Variants in IQCM observed in about 807,000 individuals in gnomAD.
IQCM encodes IQ motif containing M.
In IQCM, 45 loss-of-function variants were observed where a neutral mutation model predicts 57.6. That is an observed-to-expected ratio of 0.78 (90% confidence interval 0.62 to 1.00). The LOEUF (loss-of-function observed/expected upper bound fraction) is 1.00. IQCM is among the 50% of genes least tolerant of loss of function. The pLI is 0.00. For synonymous variants in IQCM, 148 were observed against 158.9 expected (o/e 0.93, Z 0.51); for missense variants, 468 against 511.6 (o/e 0.91, Z 0.82).
At chr4:149,498,158 G>A (rs1006444016) in intron 12 of IQCM, among the ~76,000 whole-genome samples, 2 of 152,136 alleles carry the variant, frequency 1.3e-5, no homozygotes, top group Non-Finnish European at 2.9e-5. Context: ...AGTGAGCTAG[G>A]TAGGAAACCA....
intron 2 of IQCM, among the ~76,000 whole-genome samples, chr4:149,784,691 G>A (rs1771920327): frequency 6.6e-6 from 1 of 152,190 alleles, no homozygotes; most frequent in South Asian, 2.1e-4. Flanking sequence ...TGGGATTACA[G>A]TTGTGAGCCA....
chr4:149,682,434 T>A (rs750131652), intron 6 of IQCM, among the ~76,000 whole-genome samples: 20 of 151,056 alleles, frequency 1.3e-4, no homozygotes, highest in Non-Finnish European at 1.6e-4. Context: ...AATAGGAACA[T>A]TTGCTTTCCA....
At chr4:149,744,763 G>T (rs557361933) in intron 2 of IQCM, among the ~76,000 whole-genome samples, 1 of 151,876 alleles carries the variant, frequency 6.6e-6, no homozygotes, top group Non-Finnish European at 1.5e-5. Context: ...CCTTCCTAAT[G>T]CATCCATCAA....
In IQCM at chr4:149,452,937, C is replaced by T. The variant is rs978420167; in HGVS notation, c.1229-19380G>A. On this transcript the variant is annotated intron_variant, in intron 12 of 13. Transcript: ENST00000636793. ...AACAAATAGGATATATTGCATGATGCTAATTCCAACCGCAGCATCATGCAA... is the reference window on the plus strand; with the variant it reads ...AACAAATAGGATATATTGCATGATGTTAATTCCAACCGCAGCATCATGCAA... Among the ~76,000 whole-genome samples, 4 of 150,568 alleles carry T rather than the reference C, an allele frequency of 2.7e-5. No homozygotes were observed. The East Asian group carries it at 7.8e-4, about 29-fold the overall frequency.
chr4:149,784,073 T>G (rs1771861331), intron 2 of IQCM, among the ~76,000 whole-genome samples: 1 of 152,214 alleles, frequency 6.6e-6, no homozygotes, highest in Non-Finnish European at 1.5e-5. Flanking sequence ...AACTATGAGA[T>G]AATGTATGTG....
At chr4:149,537,639 G>T (rs1287247047) in intron 12 of IQCM, among the ~76,000 whole-genome samples, 2 of 151,838 alleles carry the variant, frequency 1.3e-5, no homozygotes, top group African/African-American at 4.8e-5. Context: ...AAACAAACAT[G>T]AAGTGATCAC....
intron 12 of IQCM, among the ~76,000 whole-genome samples, chr4:149,472,184 C>T (rs1342202390): frequency 3.3e-5 from 5 of 152,088 alleles, no homozygotes; most frequent in Non-Finnish European, 7.4e-5. Context: ...TCAAATTGTC[C>T]CTGTTTGCAG....
At chr4:149,657,249 T>C (rs1579876888) in intron 7 of IQCM, among the ~76,000 whole-genome samples, 1 of 152,212 alleles carries the variant, frequency 6.6e-6, no homozygotes, top group South Asian at 2.1e-4. Context: ...ATACCACATA[T>C]GACTGAGATC....
intron 2 of IQCM, among the ~76,000 whole-genome samples, chr4:149,768,109 A>G (rs757176486): frequency 6.6e-6 from 1 of 152,074 alleles, no homozygotes; most frequent in Non-Finnish European, 1.5e-5. Context: ...CTAAAATAAT[A>G]ATTAAACTGG....
At chr4:149,400,595 T>C (rs1732550481) in intron 13 of IQCM, among the ~76,000 whole-genome samples, 1 of 152,022 alleles carries the variant, frequency 6.6e-6, no homozygotes, top group South Asian at 2.1e-4. Flanking sequence ...TAGTTGAGAA[T>C]ATGAGAGAAT....
At chr4:149,459,417 A>G in intron 12 of IQCM, among the ~76,000 whole-genome samples, 1 of 152,192 alleles carries the variant, frequency 6.6e-6, no homozygotes, top group East Asian at 1.9e-4. Flanking sequence ...CTTTTCCCCA[A>G]CTTTCCCAAT....
intron 13 of IQCM, among the ~76,000 whole-genome samples, chr4:149,375,827 T>C (rs1313518472): frequency 6.6e-6 from 1 of 152,152 alleles, no homozygotes; most frequent in African/African-American, 2.4e-5. Flanking sequence ...AACTTACAAA[T>C]AATCATTTAA....
chr4:149,368,916 G>A (rs1217392157), intron 13 of IQCM, among the ~76,000 whole-genome samples: 8 of 55,580 alleles, frequency 1.4e-4, no homozygotes, highest in Non-Finnish European at 3.8e-5. Context: ...GTATATATAT[G>A]TGTATATATA....
intron 13 of IQCM, among the ~76,000 whole-genome samples, chr4:149,431,358 T>C (rs1346441032): frequency 6.6e-6 from 1 of 152,046 alleles, no homozygotes; most frequent in Non-Finnish European, 1.5e-5. Context: ...ACTTTAGCCA[T>C]TTTTGTAGAT....
intron 12 of IQCM, among the ~76,000 whole-genome samples, chr4:149,469,705 G>A (rs1739289968): frequency 6.6e-6 from 1 of 152,272 alleles, no homozygotes; most frequent in Non-Finnish European, 1.5e-5. Flanking sequence ...AGGAAAAAAT[G>A]TTAAGGGCAG....
At chr4:149,670,021 T>G (rs1261364326) in intron 7 of IQCM, among the ~76,000 whole-genome samples, 1 of 152,188 alleles carries the variant, frequency 6.6e-6, no homozygotes, top group Non-Finnish European at 1.5e-5. Context: ...AAGAAAGTCA[T>G]TGGTAGCTTG....
intron 8 of IQCM, among the ~76,000 whole-genome samples, chr4:149,613,966 T>C (rs1347913120): frequency 2.0e-5 from 3 of 152,200 alleles, no homozygotes; most frequent in Non-Finnish European, 4.4e-5. Context: ...ATCCAGCCTA[T>C]CATTGTTGGA....
At chr4:149,433,960 C>A (rs1036714213) in intron 12 of IQCM, among the ~76,000 whole-genome samples, 2 of 151,952 alleles carry the variant, frequency 1.3e-5, no homozygotes, top group African/African-American at 4.8e-5. Context: ...ATTGGAACTA[C>A]TAAAATAATT....
intron 7 of IQCM, among the ~76,000 whole-genome samples, chr4:149,624,559 G>C (rs942214192): frequency 6.6e-6 from 1 of 152,042 alleles, no homozygotes. Context: ...GATCGTATAC[G>C]ACAGGTGATA....
Sources: allele counts gnomAD v4.1 joint callset (sites outside exome capture counted in the v4.1 genomes callset), GRCh38; gene constraint gnomAD v4.1.1; transcripts MANE v1.5; gene names NCBI Gene and HGNC (gene_info 2026-07-23, HGNC 2026-07-21).